Variants in MAN1A2 observed in about 807,000 individuals in gnomAD.
MAN1A2 encodes mannosyl-oligosaccharide 1,2-alpha-mannosidase IB.
In MAN1A2, 26 loss-of-function variants were observed where a neutral mutation model predicts 75.7. The observed-to-expected ratio is 0.34, with a 90% CI of 0.25 to 0.48. MAN1A2 has a LOEUF of 0.48. Among genes scored for constraint, MAN1A2 ranks in the 20% least tolerant of loss-of-function variants. The pLI, the probability that MAN1A2 is intolerant of heterozygous loss-of-function variation, is 0.99. For synonymous variants in MAN1A2, 247 were observed against 264.6 expected, an observed-to-expected ratio of 0.93 and a Z score of 0.65; for missense variants, 562 against 775.5, an observed-to-expected ratio of 0.72 and a Z score of 3.27.
chr1:117,487,811 A>G (rs1191307951), intron 8 of MAN1A2, among the ~76,000 whole-genome samples: 1 of 151,910 alleles, frequency 6.6e-6, no homozygotes, highest in African/African-American at 2.4e-5. Context: ...CTCCCTATCT[A>G]CTCTATTCAT....
At chr1:117,424,035 C>T (rs1258993849) in intron 5 of MAN1A2, among the ~76,000 whole-genome samples, 1 of 151,712 alleles carries the variant, frequency 6.6e-6, no homozygotes, top group African/African-American at 2.4e-5. Context: ...TGACTTTTTA[C>T]CCTGTGATTT....
chr1:117,492,445 C>T (rs1300644211), intron 8 of MAN1A2, among the ~76,000 whole-genome samples: 6 of 152,076 alleles, frequency 3.9e-5, no homozygotes, highest in Non-Finnish European at 1.5e-5. Flanking sequence ...AAATATAGTG[C>T]TGTCAACACA....
At chr1:117,492,101 G>T (rs1650898801) in intron 8 of MAN1A2, among the ~76,000 whole-genome samples, 1 of 152,098 alleles carries the variant, frequency 6.6e-6, no homozygotes, top group Non-Finnish European at 1.5e-5. Context: ...AGCAGTGTCA[G>T]GATATGAGAG....
At chr1:117,466,492 T>C (rs1649987786) in intron 8 of MAN1A2, 65 bp downstream of exon 8, 4 of 1,118,290 alleles carry the variant, frequency 3.6e-6, no homozygotes, top group Non-Finnish European at 5.1e-6. Flanking sequence ...CTTTGCTTGA[T>C]GTTGTAAAAA....
intron 8 of MAN1A2, among the ~76,000 whole-genome samples, chr1:117,485,169 T>G (rs897163886): frequency 9.2e-5 from 14 of 151,952 alleles, no homozygotes; most frequent in African/African-American, 3.4e-4. Context: ...CAAGATTCCT[T>G]TAGCTTCCAT....
intron 5 of MAN1A2, among the ~76,000 whole-genome samples, chr1:117,430,894 C>T (rs1292462876): frequency 2.4e-5 from 3 of 125,884 alleles, no homozygotes; most frequent in African/African-American, 6.1e-5. Flanking sequence ...GCCGAGATCA[C>T]GCCACTGCAC....
chr1:117,460,668 C>T, intron 7 of MAN1A2, 56 bp downstream of exon 7: 2 of 1,505,000 alleles, frequency 1.3e-6, no homozygotes, highest in Non-Finnish European at 8.9e-7. Flanking sequence ...TTAAGATTGG[C>T]CCAAAGATTT....
chr1:117,522,054 G>C (rs1360077362), intron 12 of MAN1A2, among the ~76,000 whole-genome samples: 8 of 151,752 alleles, frequency 5.3e-5, no homozygotes, highest in Admixed American at 5.3e-4. Flanking sequence ...GGTGGCGAGG[G>C]ATAAAACACT....
At chr1:117,458,524 T>TATATATATATAGATATATATATA (rs373076182) in intron 6 of MAN1A2, among the ~76,000 whole-genome samples, 14 of 71,702 alleles carry the variant, frequency 2.0e-4, no homozygotes, top group Non-Finnish European at 3.6e-4. Context: ...TATATATATA[T>TATATATATATAGATATATATATA]TTTTTTTTTT....
Position 117,368,462 on chromosome 1 carries a change from T to G in MAN1A2, c.279T>G (p.His93Gln), listed in dbSNP as rs1418391149. ...GAKNPGVFLI[H>Q]GPDEHRHREE... is the part of the protein sequence containing the mutation. ...AAAACCCCGGAGTCTTCCTGATCCA[T>G]GGACCCGATGAACATAGACACAGGT... Residue 93 changes from histidine (H) to glutamine (Q), a missense_variant, in exon 1 of 13, where the codon CAT (histidine) becomes CAG (glutamine). His to Gln is a conservative substitution (Grantham distance 24). Around this residue, in one of 2 missense-constraint regions of MAN1A2, gnomAD observed 128 missense variants for 129.8 expected, o/e 0.99. Transcript: ENST00000356554. The G allele has an allele frequency of 1.2e-6, 2 of 1,611,882 alleles. No homozygotes were observed. Among genetic ancestry groups the G allele is most frequent in the African/African-American group, 2.7e-5 (2 of 74,650 alleles).
Position 117,368,066 on chromosome 1 carries a change from T to C in MAN1A2, c.-118T>C. ...CCTCTTAAAAAGCACAACAGTCCTT[T>C]AAGAGGAGCAAAATTGAGTTTTCCC... On this transcript the variant is annotated 5_prime_UTR_variant, in exon 1 of 13. Coordinates refer to ENST00000356554, the MANE Select transcript of MAN1A2 (RefSeq NM_006699.5). 1 of 998,094 alleles carries C rather than the reference T, an allele frequency of 1.0e-6. No homozygotes were observed. Among genetic ancestry groups the C allele is most frequent in the African/African-American group, 1.6e-5 (1 of 62,076 alleles). The allele number at this position is 998,094 out of a possible 1,614,324, so 61.8% of individuals were successfully genotyped here. A position where few individuals can be genotyped will look rare whatever the true frequency, so the allele number is the denominator to read the frequency against.
At chr1:117,484,738 T>C (rs1296759982) in intron 8 of MAN1A2, among the ~76,000 whole-genome samples, 1 of 152,014 alleles carries the variant, frequency 6.6e-6, no homozygotes, top group Non-Finnish European at 1.5e-5. Flanking sequence ...TGACTATCAA[T>C]GGCACCATGT....
At chr1:117,506,206 T>A (rs1229341867) in intron 12 of MAN1A2, among the ~76,000 whole-genome samples, 1 of 151,596 alleles carries the variant, frequency 6.6e-6, no homozygotes, top group African/African-American at 2.4e-5. Context: ...TTTAAGATTA[T>A]GTATTCTCCC....
intron 12 of MAN1A2, 26 bp downstream of exon 12, chr1:117,502,996 T>C: frequency 2.4e-6 from 3 of 1,252,632 alleles, no homozygotes; most frequent in Non-Finnish European, 2.3e-6. Flanking sequence ...TAAAAAATAT[T>C]TTTATACTAG....
intron 12 of MAN1A2, among the ~76,000 whole-genome samples, chr1:117,506,573 CTT>C (rs1254211272): frequency 6.6e-6 from 1 of 151,550 alleles, no homozygotes; most frequent in African/African-American, 2.4e-5. Context: ...TTCTAAAACT[CTT>C]ATACTCTAGT....
In MAN1A2 at chr1:117,526,841, C is replaced by CCTCTCTCTCTCTCT. The variant is rs759656863; in HGVS notation, c.*3911_*3924dup. 59 of 66,068 alleles carry CCTCTCTCTCTCTCT rather than the reference C, an allele frequency of 8.9e-4. No homozygotes were observed. The highest frequency in any genetic ancestry group is 2.1e-3 in the African/African-American group (30 of 14,456). 4.1% of individuals were successfully genotyped at this position (66,068 alleles called of 1,614,324 possible). A position where few individuals can be genotyped will look rare whatever the true frequency, so the allele number is the denominator to read the frequency against. On this transcript the variant is annotated 3_prime_UTR_variant, in exon 13 of 13. Transcript: ENST00000356554. ...TCAAATTGGCTAGGTCCTATCTTTT[C>CCTCTCTCTCTCTCT]CTCTCTCTCTCTCTCTCTCTCTCTC...
intron 1 of MAN1A2, among the ~76,000 whole-genome samples, chr1:117,400,098 G>A (rs1259808863): frequency 2.6e-5 from 4 of 151,910 alleles, no homozygotes; most frequent in African/African-American, 7.3e-5. Flanking sequence ...TGCCTGAGTC[G>A]CCTGAACAGA....
At chr1:117,439,714 C>T (rs957692111) in intron 5 of MAN1A2, among the ~76,000 whole-genome samples, 10 of 152,124 alleles carry the variant, frequency 6.6e-5, no homozygotes, top group East Asian at 1.9e-4. Context: ...AGGCCAGCCT[C>T]AAACCTCTGG....
intron 5 of MAN1A2, among the ~76,000 whole-genome samples, chr1:117,429,706 G>A (rs1648530063): frequency 8.8e-6 from 1 of 113,760 alleles, no homozygotes; most frequent in African/African-American, 3.4e-5. Context: ...CCGGGCAGGG[G>A]GGCTGACCCC....
Sources: allele counts gnomAD v4.1 joint callset (sites outside exome capture counted in the v4.1 genomes callset), GRCh38; gene constraint gnomAD v4.1.1; regional missense constraint gnomAD v4.1.1; transcripts MANE v1.5; gene names NCBI Gene and HGNC (gene_info 2026-07-23, HGNC 2026-07-21).